PPARGC1A: variants seen among roughly 807,000 people sequenced by gnomAD.
PPARGC1A encodes peroxisome proliferator-activated receptor gamma coactivator 1-alpha.
A neutral mutation model predicts 88.7 loss-of-function variants in PPARGC1A; 25 were observed. The ratio of observed to expected loss-of-function variants is 0.28; its 90% confidence interval spans 0.21 to 0.39. The LOEUF is 0.39. Among genes scored for constraint, PPARGC1A ranks in the 10% least tolerant of loss-of-function variants. The pLI is 1.00. For missense variants in PPARGC1A, 880 were observed against 968.7 expected (o/e 0.91, Z 1.22); for synonymous variants, 363 against 355.6 (o/e 1.02, Z -0.24).
At chr4:24,342,460 C>T in the PPARGC1A span, among the ~76,000 whole-genome samples, 1 of 152,030 alleles carries the variant, frequency 6.6e-6, no homozygotes, top group Non-Finnish European at 1.5e-5. Context: ...AGAATGTGTT[C>T]CCTTATCTAT....
the PPARGC1A span, among the ~76,000 whole-genome samples, chr4:24,282,770 C>T: frequency 6.6e-6 from 1 of 152,220 alleles, no homozygotes; most frequent in Non-Finnish European, 1.5e-5. Flanking sequence ...TTTTCCAGCA[C>T]TTGCTCCGGC....
At chr4:24,092,212 GC>G in the PPARGC1A span, among the ~76,000 whole-genome samples, 1 of 151,960 alleles carries the variant, frequency 6.6e-6, no homozygotes, top group African/African-American at 2.4e-5. Context: ...AAGATGTTCT[GC>G]AGGCAGGCAT....
At chr4:24,049,153 AGTGT>A in the PPARGC1A span, among the ~76,000 whole-genome samples, 99 of 149,806 alleles carry the variant, frequency 6.6e-4, 1 homozygote, top group African/African-American at 1.0e-3. Flanking sequence ...TGTGTGTGTG[AGTGT>A]GTGTAAGAGG....
chr4:24,274,265 C>T, the PPARGC1A span, among the ~76,000 whole-genome samples: 1 of 151,992 alleles, frequency 6.6e-6, no homozygotes, highest in Non-Finnish European at 1.5e-5. Flanking sequence ...CACTGGTCAC[C>T]AAAGTCCCAA....
the PPARGC1A span, among the ~76,000 whole-genome samples, chr4:24,024,833 A>G: frequency 6.6e-6 from 1 of 152,208 alleles, no homozygotes; most frequent in African/African-American, 2.4e-5. Flanking sequence ...CAGTTGTGTA[A>G]TATTTATCTA....
At chr4:23,807,275 C>T (rs914340556) in intron 10 of PPARGC1A, among the ~76,000 whole-genome samples, 2 of 152,100 alleles carry the variant, frequency 1.3e-5, no homozygotes, top group South Asian at 2.1e-4. Context: ...TCTTTCTTGC[C>T]GTTAATATTG....
the PPARGC1A span, among the ~76,000 whole-genome samples, chr4:23,961,622 C>T: frequency 2.6e-5 from 4 of 152,132 alleles, no homozygotes; most frequent in South Asian, 4.1e-4. Flanking sequence ...GCATTGTAAC[C>T]ACATGGTGCC....
chr4:24,271,478 C>T, the PPARGC1A span, among the ~76,000 whole-genome samples: 14 of 152,028 alleles, frequency 9.2e-5, no homozygotes, highest in African/African-American at 3.4e-4. Context: ...CCCAGGTTCA[C>T]GCCATTCTCC....
chr4:24,271,149 T>C, the PPARGC1A span, among the ~76,000 whole-genome samples: 1 of 152,214 alleles, frequency 6.6e-6, no homozygotes, highest in Non-Finnish European at 1.5e-5. Context: ...CATTATACTG[T>C]ATGATAATTT....
At chr4:24,417,492 A>T in the PPARGC1A span, among the ~76,000 whole-genome samples, 1 of 152,354 alleles carries the variant, frequency 6.6e-6, no homozygotes, top group East Asian at 1.9e-4. Flanking sequence ...TAAATTTCAC[A>T]ACCTCTCTGG....
At chr4:23,943,786 T>A in the PPARGC1A span, among the ~76,000 whole-genome samples, 1 of 152,214 alleles carries the variant, frequency 6.6e-6, no homozygotes, top group African/African-American at 2.4e-5. Context: ...TGATAGCATG[T>A]CTTCTTGACA....
At chr4:24,414,281 T>G in the PPARGC1A span, among the ~76,000 whole-genome samples, 1 of 152,218 alleles carries the variant, frequency 6.6e-6, no homozygotes, top group Admixed American at 6.5e-5. Flanking sequence ...TGGGTACATT[T>G]GCTTTTGGGC....
the PPARGC1A span, among the ~76,000 whole-genome samples, chr4:24,155,122 G>T: frequency 0.023 from 3,193 of 140,920 alleles, 113 homozygotes; most frequent in African/African-American, 0.083. Context: ...CCTCGGTTTT[G>T]TTTTTTTTTT....
chr4:23,833,880 A>G (rs1271986696), intron 2 of PPARGC1A, among the ~76,000 whole-genome samples: 6 of 152,192 alleles, frequency 3.9e-5, no homozygotes, highest in African/African-American at 1.2e-4. Context: ...ACTTTAATGC[A>G]CTTGCAGGGC....
chr4:23,799,072 T>C lies in PPARGC1A; in HGVS notation c.2293+2658A>G, dbSNP rs61170374. 1.8e-3 allele frequency among the ~76,000 whole-genome samples: 272 copies of C among 152,324 alleles called. 1 individual carries two copies. The highest frequency in any genetic ancestry group is 6.0e-3 in the African/African-American group (248 of 41,586). The stretch of plus-strand genomic sequence containing the variant: ...TTCCTGTCTTGGTAAAACTAATCTG[T>C]GTCACATCATTTTTGCTTTACTATT... On this transcript the variant is annotated intron_variant, in intron 12 of 12. Transcript: ENST00000264867.
intron 5 of PPARGC1A, chr4:23,825,155 T>C (rs1723710540): frequency 6.6e-6 from 1 of 152,102 alleles, no homozygotes; most frequent in African/African-American, 2.4e-5. Context: ...TTTGTGCTTT[T>C]CTGAATCTTA....
At chr4:23,957,819 T>G in the PPARGC1A span, among the ~76,000 whole-genome samples, 1 of 152,150 alleles carries the variant, frequency 6.6e-6, no homozygotes, top group East Asian at 1.9e-4. Flanking sequence ...ATATTTATAA[T>G]TTTATTAATC....
chr4:24,366,563 G>A, the PPARGC1A span, among the ~76,000 whole-genome samples: 1 of 152,106 alleles, frequency 6.6e-6, no homozygotes, highest in Non-Finnish European at 1.5e-5. Flanking sequence ...TCTGTTTCAA[G>A]AGAATTGGGT....
the PPARGC1A span, among the ~76,000 whole-genome samples, chr4:23,938,034 G>A: frequency 6.6e-6 from 1 of 152,032 alleles, no homozygotes; most frequent in East Asian, 1.9e-4. Flanking sequence ...ATCTAATGCT[G>A]TTGTGGCAGA....
Sources: gnomAD v4.1 joint callset for allele counts (sites outside exome capture counted in the v4.1 genomes callset) on GRCh38, gnomAD v4.1.1 for gene constraint, MANE v1.5 for transcripts, NCBI Gene and HGNC (gene_info 2026-07-23, HGNC 2026-07-21) for gene names.